MRPS28: variants seen among roughly 807,000 people sequenced by gnomAD.
MRPS28 encodes small ribosomal subunit protein bS1m.
MRPS28 carries 7 observed loss-of-function variants against 10.8 expected under a neutral mutation model. The observed-to-expected ratio is 0.65, with a 90% CI of 0.37 to 1.22. MRPS28 has a LOEUF of 1.22. Among genes scored for constraint, MRPS28 ranks in the 50% most tolerant of loss-of-function variants. The probability of loss-of-function intolerance (pLI) is 0.02; values close to 1 mark genes in which losing one functional copy is unlikely to be tolerated. For synonymous variants in MRPS28, 121 were observed against 93.3 expected, an observed-to-expected ratio of 1.30 and a Z score of -1.71; for missense variants, 265 against 232.9, an observed-to-expected ratio of 1.14 and a Z score of -0.90.
chr8:79,933,707 T>C (rs1405703498), intron 2 of MRPS28, among the ~76,000 whole-genome samples: 5 of 152,122 alleles, frequency 3.3e-5, no homozygotes, highest in African/African-American at 1.2e-4. Context: ...AGAAATTCTA[T>C]TAGGAAAGAA....
chr8:79,995,336 C>T (rs1395676601), intron 2 of MRPS28, among the ~76,000 whole-genome samples: 1 of 152,160 alleles, frequency 6.6e-6, no homozygotes, highest in African/African-American at 2.4e-5. Context: ...ACAAGGCATC[C>T]AAACTAATCA....
chr8:79,957,937 G>A, intron 2 of MRPS28: 1 of 153,290 alleles, frequency 6.5e-6, no homozygotes, highest in Non-Finnish European at 1.5e-5. Flanking sequence ...AATGAAGCTA[G>A]GCTAATGATT....
In MRPS28 at chr8:79,922,373, TTAGA is replaced by T. The variant is rs573886871; in HGVS notation, c.396-3229_396-3226del. ...TTAGTCAAAGGATACAAAATTTCAGTTAGATAGGAGGAGTAAGTTCAAGAGATCT... is the reference window on the plus strand; with the variant it reads ...TTAGTCAAAGGATACAAAATTTCAGTTAGGAGGAGTAAGTTCAAGAGATCT... On this transcript the variant is annotated intron_variant, in intron 2 of 2. Coordinates refer to ENST00000276585, the MANE Select transcript of MRPS28 (RefSeq NM_014018.3). Among the ~76,000 whole-genome samples the T allele has an allele frequency of 2.2e-4, 34 of 152,222 alleles. No individual in the cohort carries two copies. The South Asian group carries it at 6.8e-3, about 31-fold the overall frequency.
intron 2 of MRPS28, among the ~76,000 whole-genome samples, chr8:79,965,059 CAT>C (rs1426599356): frequency 3.3e-5 from 5 of 152,068 alleles, no homozygotes; most frequent in South Asian, 2.1e-4. Context: ...AATACACACA[CAT>C]GTATTAATAT....
chr8:80,006,998 T>A (rs1054242298), intron 1 of MRPS28, among the ~76,000 whole-genome samples: 2 of 152,186 alleles, frequency 1.3e-5, no homozygotes, highest in African/African-American at 4.8e-5. Context: ...ATATCCTTGA[T>A]GAACATCGAT....
intron 2 of MRPS28, among the ~76,000 whole-genome samples, chr8:79,961,075 T>C (rs1426238696): frequency 6.6e-6 from 1 of 152,094 alleles, no homozygotes; most frequent in Non-Finnish European, 1.5e-5. Context: ...CATAACTCTG[T>C]TTAACTACTA....
At chr8:79,993,317 G>C (rs866589880) in intron 2 of MRPS28, among the ~76,000 whole-genome samples, 1 of 152,170 alleles carries the variant, frequency 6.6e-6, no homozygotes, top group Non-Finnish European at 1.5e-5. Flanking sequence ...AGGCATATGA[G>C]GCAAACTTCC....
At chr8:79,943,584 G>A (rs1362222183) in intron 2 of MRPS28, among the ~76,000 whole-genome samples, 1 of 152,174 alleles carries the variant, frequency 6.6e-6, no homozygotes, top group Non-Finnish European at 1.5e-5. Context: ...ATATTAAACA[G>A]TGTTATAATG....
chr8:80,009,621 GAAAA>G (rs146207161), intron 1 of MRPS28, among the ~76,000 whole-genome samples: 1 of 144,446 alleles, frequency 6.9e-6, no homozygotes, highest in Non-Finnish European at 1.5e-5. Flanking sequence ...TCTCAAAAAA[GAAAA>G]AAAAAAGAAA....
intron 1 of MRPS28, among the ~76,000 whole-genome samples, chr8:80,013,647 A>AAAAAAGAAAAG: frequency 6.6e-6 from 1 of 151,166 alleles, no homozygotes; most frequent in Non-Finnish European, 1.5e-5. Flanking sequence ...AAAAAAAAAA[A>AAAAAAGAAAAG]AAAAAAGAAA....
At chr8:79,984,585 C>T (rs1240911986) in intron 2 of MRPS28, among the ~76,000 whole-genome samples, 2 of 151,952 alleles carry the variant, frequency 1.3e-5, no homozygotes, top group Non-Finnish European at 2.9e-5. Context: ...GGAAGATCTA[C>T]CAAGCAAATG....
intron 1 of MRPS28, among the ~76,000 whole-genome samples, chr8:80,008,720 T>A (rs1358717390): frequency 6.6e-6 from 1 of 152,168 alleles, no homozygotes; most frequent in East Asian, 1.9e-4. Flanking sequence ...AAAACCACAA[T>A]GGGATAACCA....
Position 79,918,748 on chromosome 8 carries a change from A to G in MRPS28, c.*232T>C, listed in dbSNP as rs115606620. On this transcript the variant is annotated 3_prime_UTR_variant, in exon 3 of 3. Coordinates refer to ENST00000276585, the MANE Select transcript of MRPS28 (RefSeq NM_014018.3). ...GCACTCAAAACGTATTTATTGAATG[A>G]CAATTTCTTAGTACAGTGTATACTA... The G allele has an allele frequency of 7.1e-3, 1,439 of 203,068 alleles. 21 individuals are homozygous for G. The highest frequency in any genetic ancestry group is 0.033 in the African/African-American group (1,353 of 41,004). The allele number at this position is 203,068 out of a possible 1,614,324, so 12.6% of individuals were successfully genotyped here. A position where few individuals can be genotyped will look rare whatever the true frequency, so the allele number is the denominator to read the frequency against.
chr8:79,965,738 G>A lies in MRPS28; in HGVS notation c.395+37261C>T, dbSNP rs1473921570. 5.3e-5 allele frequency among the ~76,000 whole-genome samples: 8 copies of A among 152,124 alleles called. No homozygotes were observed. The East Asian group carries it at 1.3e-3, about 26-fold the overall frequency. ...GAAATTAATTAATGAAAAAATAACT[G>A]CTTTGAGAGTAGATGCTTTAAGCAT... On this transcript the variant is annotated intron_variant, in intron 2 of 2. Coordinates refer to ENST00000276585, the MANE Select transcript of MRPS28 (RefSeq NM_014018.3).
At chr8:79,976,948 A>T (rs550851604) in intron 2 of MRPS28, among the ~76,000 whole-genome samples, 1 of 152,326 alleles carries the variant, frequency 6.6e-6, no homozygotes, top group South Asian at 2.1e-4. Context: ...ATAATCCTAG[A>T]AGTCTTAACC....
At chr8:79,948,145 G>A (rs901418006) in intron 2 of MRPS28, among the ~76,000 whole-genome samples, 3 of 151,078 alleles carry the variant, frequency 2.0e-5, no homozygotes, top group African/African-American at 4.9e-5. Context: ...GCACCCCAAC[G>A]CCTGGCTAAT....
At chr8:79,965,535 T>G (rs895935290) in intron 2 of MRPS28, among the ~76,000 whole-genome samples, 2 of 152,070 alleles carry the variant, frequency 1.3e-5, no homozygotes, top group Non-Finnish European at 2.9e-5. Flanking sequence ...TTAAGGTACG[T>G]CCTTTTATCC....
chr8:79,952,150 A>G (rs1448650512), intron 2 of MRPS28, among the ~76,000 whole-genome samples: 7 of 152,196 alleles, frequency 4.6e-5, no homozygotes, highest in Non-Finnish European at 8.8e-5. Flanking sequence ...CATGTTTTAC[A>G]TAGCCCATAT....
chr8:79,932,046 C>T (rs1170313833), intron 2 of MRPS28, among the ~76,000 whole-genome samples: 2 of 152,140 alleles, frequency 1.3e-5, no homozygotes, highest in Admixed American at 6.6e-5. Context: ...CTTGCCCTGG[C>T]CCTGGGGCTC....
Sources: gnomAD v4.1 joint callset for allele counts (sites outside exome capture counted in the v4.1 genomes callset) on GRCh38, gnomAD v4.1.1 for gene constraint, MANE v1.5 for transcripts, NCBI Gene and HGNC (gene_info 2026-07-23, HGNC 2026-07-21) for gene names.